Variants in ABCE1 observed in about 807,000 individuals in gnomAD.
ABCE1 encodes ATP-binding cassette sub-family E member 1.
ABCE1 carries 22 observed loss-of-function variants against 83.4 expected under a neutral mutation model. The observed-to-expected ratio is 0.26, with a 90% CI of 0.19 to 0.38. ABCE1 has a LOEUF of 0.38. Ranked by LOEUF, ABCE1 falls within the 10% of genes least tolerant of loss-of-function variation. The pLI is 1.00. For missense variants in ABCE1, 330 were observed against 721.9 expected (o/e 0.46, Z 6.22); for synonymous variants, 204 against 233.7 (o/e 0.87, Z 1.16).
chr4:145,117,034 C>G (rs553962984), intron 9 of ABCE1, among the ~76,000 whole-genome samples: 1 of 151,782 alleles, frequency 6.6e-6, no homozygotes, highest in Non-Finnish European at 1.5e-5. Context: ...ACACTTATTT[C>G]GAAATATGTT....
At chr4:145,116,078 G>A (rs1579218132) in intron 9 of ABCE1, among the ~76,000 whole-genome samples, 1 of 151,974 alleles carries the variant, frequency 6.6e-6, no homozygotes, top group East Asian at 1.9e-4. Context: ...GGTTAGGTGG[G>A]ATTTCAGCAG....
At chr4:145,109,569 T>A (rs1402228944) in intron 5 of ABCE1, among the ~76,000 whole-genome samples, 2 of 152,198 alleles carry the variant, frequency 1.3e-5, no homozygotes, top group East Asian at 3.8e-4. Context: ...ATAGTTTGAT[T>A]AGGCTTTTGA....
intron 14 of ABCE1, 40 bp downstream of exon 14, chr4:145,123,171 A>C (rs377612969): frequency 1.0e-5 from 16 of 1,585,688 alleles, no homozygotes; most frequent in Non-Finnish European, 1.2e-5. Context: ...TATTATTTTG[A>C]ATTTTGGATG....
intron 1 of ABCE1, among the ~76,000 whole-genome samples, chr4:145,101,181 T>C (rs139937529): frequency 1.5e-4 from 23 of 152,196 alleles, no homozygotes; most frequent in African/African-American, 5.1e-4. Flanking sequence ...TAGTGTATAT[T>C]GTGGTAGTGT....
chr4:145,108,808 C>T (rs1354242175), intron 4 of ABCE1, among the ~76,000 whole-genome samples: 1 of 152,122 alleles, frequency 6.6e-6, no homozygotes, highest in Non-Finnish European at 1.5e-5. Context: ...TTTTGTTATA[C>T]ATTAAAACTG....
intron 17 of ABCE1, among the ~76,000 whole-genome samples, chr4:145,125,910 A>G (rs1009215106): frequency 1.3e-5 from 2 of 151,962 alleles, no homozygotes; most frequent in African/African-American, 2.4e-5. Flanking sequence ...GCGTGGTGGC[A>G]TGCGCCTGTA....
At chr4:145,107,920 A>G in intron 3 of ABCE1, 95 bp from the exon 4 acceptor site, 1 of 901,616 alleles carries the variant, frequency 1.1e-6, no homozygotes, top group Non-Finnish European at 1.7e-6. Context: ...AATCATGTTT[A>G]GAAGATTGCT....
chr4:145,110,871 T>A (rs1450850279), intron 7 of ABCE1, 97 bp from the exon 8 acceptor site: 12 of 757,956 alleles, frequency 1.6e-5, no homozygotes, highest in Non-Finnish European at 2.6e-5. Flanking sequence ...AATTTTCAAC[T>A]GAAATAGCAT....
Position 145,110,439 on chromosome 4 carries a change from A to G in ABCE1, c.608A>G (p.Gln203Arg). Residue 203 changes from glutamine (Q) to arginine (R), a missense_variant, in exon 7 of 18, where the codon CAG (glutamine) becomes CGG (arginine). By Grantham distance (43) the Gln-to-Arg change is conservative. Transcript: ENST00000296577. ...AAGACACAGGCAATTGTATGTCAGC[A>G]GCTTGGTAAGTGTTTATTTTTTGTT... The part of the protein sequence containing the change: ...ETKTQAIVCQ[Q>R]LDLTHLKERN... 6.2e-7 allele frequency: 1 copy of G among 1,611,750 alleles called. No individual in the cohort carries two copies. The highest frequency in any genetic ancestry group is 8.5e-7 in the Non-Finnish European group (1 of 1,179,706).
intron 2 of ABCE1, 54 bp downstream of exon 2, chr4:145,104,569 A>T: frequency 8.3e-7 from 1 of 1,204,526 alleles, no homozygotes; most frequent in Non-Finnish European, 1.1e-6. Flanking sequence ...AAAGAAATCA[A>T]CTGGTTTGAT....
chr4:145,108,539 T>C (rs1445564301), intron 4 of ABCE1, among the ~76,000 whole-genome samples: 2 of 152,212 alleles, frequency 1.3e-5, no homozygotes, highest in African/African-American at 4.8e-5. Context: ...AATTTGGACA[T>C]GTATTATTAA....
chr4:145,120,684 A>G (rs1749717303), intron 11 of ABCE1, among the ~76,000 whole-genome samples: 1 of 152,122 alleles, frequency 6.6e-6, no homozygotes, highest in African/African-American at 2.4e-5. Flanking sequence ...AACTATTTGA[A>G]TTGTAATCTT....
At chr4:145,104,304 C>G (rs1213673285) in intron 1 of ABCE1, 82 bp from the exon 2 acceptor site, 1 of 500,372 alleles carries the variant, frequency 2.0e-6, no homozygotes, top group East Asian at 3.4e-5. Context: ...ATATAATGAT[C>G]ATTTATGTTT....
At position 145,101,498 on chromosome 4, in the gene ABCE1, G is replaced by A. The variant is rs556334508; in HGVS notation, c.-27-2888G>A. Among the ~76,000 whole-genome samples the A allele has an allele frequency of 2.6e-5, 4 of 152,292 alleles. No homozygotes were observed. In the East Asian group the frequency reaches 7.7e-4, roughly 29 times the overall value. Reference sequence around the variant, plus strand: ...TTAAATAGAGGAGTGACATGATCTAGCTTACTCTTTAAAAGGCTTCCTATG... The same window carrying A: ...TTAAATAGAGGAGTGACATGATCTAACTTACTCTTTAAAAGGCTTCCTATG... On this transcript the variant is annotated intron_variant, in intron 1 of 17. Transcript: ENST00000296577.
chr4:145,125,851 G>A (rs1174451577), intron 17 of ABCE1, among the ~76,000 whole-genome samples: 2 of 152,230 alleles, frequency 1.3e-5, no homozygotes, highest in African/African-American at 2.4e-5. Context: ...AGACCATCCT[G>A]TCTAACGGTG....
chr4:145,114,219 G>A (rs1432256669), intron 9 of ABCE1, among the ~76,000 whole-genome samples: 1 of 152,106 alleles, frequency 6.6e-6, no homozygotes, highest in Non-Finnish European at 1.5e-5. Context: ...GGGAAGGCAA[G>A]TGTAAAAATA....
intron 1 of ABCE1, among the ~76,000 whole-genome samples, chr4:145,103,938 T>G (rs534487838): frequency 6.6e-6 from 1 of 152,102 alleles, no homozygotes; most frequent in East Asian, 1.9e-4. Context: ...GTTCTTTTGT[T>G]TGTTTTTTCT....
At chr4:145,118,047 T>C (rs1749650331) in intron 10 of ABCE1, among the ~76,000 whole-genome samples, 1 of 151,670 alleles carries the variant, frequency 6.6e-6, no homozygotes, top group South Asian at 2.1e-4. Flanking sequence ...CTTCAATACC[T>C]TTTTCCTTTT....
intron 1 of ABCE1, among the ~76,000 whole-genome samples, chr4:145,102,078 A>G (rs116599342): frequency 6.6e-6 from 1 of 152,180 alleles, no homozygotes; most frequent in Non-Finnish European, 1.5e-5. Flanking sequence ...TTAGTGTTGT[A>G]TCCTAAAACC....
Sources: allele counts gnomAD v4.1 joint callset (sites outside exome capture counted in the v4.1 genomes callset), GRCh38; gene constraint gnomAD v4.1.1; transcripts MANE v1.5; gene names NCBI Gene and HGNC (gene_info 2026-07-23, HGNC 2026-07-21).